UBE3C: variants seen among roughly 807,000 people sequenced by gnomAD.
The protein encoded by UBE3C is ubiquitin-protein ligase E3C.
A neutral mutation model predicts 129.4 loss-of-function variants in UBE3C; 42 were observed. That is an observed-to-expected ratio of 0.32 (90% CI 0.25 to 0.42). The LOEUF is 0.42. Among genes scored for constraint, UBE3C ranks in the 10% least tolerant of loss-of-function variants. The probability of loss-of-function intolerance (pLI) is 1.00; values close to 1 mark genes in which losing one functional copy is unlikely to be tolerated. For synonymous variants in UBE3C, 510 were observed against 492.4 expected, an observed-to-expected ratio of 1.04 and a Z score of -0.47; for missense variants, 1,049 against 1,319.1, an observed-to-expected ratio of 0.80 and a Z score of 3.17.
At chr7:157,251,963 G>C (rs1796630268) in intron 19 of UBE3C, among the ~76,000 whole-genome samples, 1 of 152,008 alleles carries the variant, frequency 6.6e-6, no homozygotes, top group Non-Finnish European at 1.5e-5. Flanking sequence ...GTGAAACCCT[G>C]TCTCTACTAA....
intron 17 of UBE3C, among the ~76,000 whole-genome samples, chr7:157,229,556 AC>A (rs1466220199): frequency 1.3e-5 from 2 of 152,016 alleles, no homozygotes; most frequent in African/African-American, 4.8e-5. Flanking sequence ...CCCTCAGGTG[AC>A]CCACCTGCCT....
rs142313565 is a variant in UBE3C at position 157,205,545 on chromosome 7, G to A, written c.1419-1853G>A. Among the ~76,000 whole-genome samples the A allele has an allele frequency of 4.6e-3, 700 of 152,298 alleles. 1 individual carries two copies. The highest frequency in any genetic ancestry group is 0.01 in the Middle Eastern group (3 of 294). On this transcript the variant is annotated intron_variant, in intron 11 of 22. Coordinates refer to ENST00000348165, the MANE Select transcript of UBE3C (RefSeq NM_014671.3). ...AGGGCTGTTGAAAGAAGCCACCCCT[G>A]TCCAGTTAAGGCAGCCCTGTGCCTT...
chr7:157,233,912 T>G (rs903582877), intron 18 of UBE3C, among the ~76,000 whole-genome samples: 1 of 152,244 alleles, frequency 6.6e-6, no homozygotes, highest in Admixed American at 6.5e-5. Context: ...GGAATTGGTA[T>G]CTCATTGTGG....
At chr7:157,244,545 A>G (rs1796427112) in intron 18 of UBE3C, among the ~76,000 whole-genome samples, 1 of 152,162 alleles carries the variant, frequency 6.6e-6, no homozygotes, top group Non-Finnish European at 1.5e-5. Context: ...ATAAATGTTC[A>G]CTTTAGAGCT....
At chr7:157,228,236 TC>T (rs1795931709) in intron 17 of UBE3C, among the ~76,000 whole-genome samples, 1 of 152,200 alleles carries the variant, frequency 6.6e-6, no homozygotes, top group African/African-American at 2.4e-5. Flanking sequence ...TGATGGCTGT[TC>T]CTGCAGTTGG....
intron 10 of UBE3C, among the ~76,000 whole-genome samples, chr7:157,195,894 A>T (rs1224223162): frequency 6.6e-6 from 1 of 152,212 alleles, no homozygotes; most frequent in Non-Finnish European, 1.5e-5. Context: ...GCACTGTAGT[A>T]GGCAAGAAGA....
At chr7:157,177,932 T>TG (rs1393608169) in intron 5 of UBE3C, among the ~76,000 whole-genome samples, 1 of 150,622 alleles carries the variant, frequency 6.6e-6, no homozygotes, top group East Asian at 1.9e-4. Context: ...GGATTCTGTT[T>TG]TTTTTTTTTT....
intron 19 of UBE3C, among the ~76,000 whole-genome samples, chr7:157,251,463 A>G (rs555604064): frequency 3.9e-5 from 6 of 152,344 alleles, no homozygotes; most frequent in East Asian, 3.9e-4. Context: ...GAGTCACGAC[A>G]CCTTGGTTCA....
Position 157,150,208 on chromosome 7 carries a change from T to C in UBE3C, c.66+10870T>C, listed in dbSNP as rs188898009. 3.3e-5 allele frequency among the ~76,000 whole-genome samples: 5 copies of C among 152,204 alleles called. No individual in the cohort carries two copies. In the East Asian group the frequency reaches 9.6e-4, roughly 29 times the overall value. ...GCCTGGCCAACGTGGTGAAACCCCA[T>C]CTCTACTAAAAATACAAAAAATTAG... On this transcript the variant is annotated intron_variant, in intron 1 of 22. Transcript: ENST00000348165.
At position 157,256,900 on chromosome 7, in the gene UBE3C, T is replaced by C; in HGVS notation, c.2951-14T>C. On this transcript the variant is annotated splice_polypyrimidine_tract_variant and intron_variant, in intron 21 of 22. Transcript: ENST00000348165. ...GCTTTGCATTTCATAAAGCATGTGT[T>C]CATTTTGCCATAGGAGGCTATTCTG... 1 of 1,613,912 alleles carries C rather than the reference T, an allele frequency of 6.2e-7. No individual in the cohort carries two copies. The highest frequency in any genetic ancestry group is 8.5e-7 in the Non-Finnish European group (1 of 1,179,848).
chr7:157,243,075 A>G (rs144580323), intron 18 of UBE3C, among the ~76,000 whole-genome samples: 1,550 of 151,980 alleles, frequency 0.01, 25 homozygotes, highest in African/African-American at 0.035. Flanking sequence ...GGAAGCGTCA[A>G]CTCCAAGCTG....
At chr7:157,211,167 G>GGGGAGAGAGAGAGAGAGAGAGAGA (rs1491521524) in intron 13 of UBE3C, among the ~76,000 whole-genome samples, 1 of 137,082 alleles carries the variant, frequency 7.3e-6, no homozygotes, top group Non-Finnish European at 1.5e-5. Context: ...CCATATGTCT[G>GGGGAGAGAGAGAGAGAGAGAGAGA]GAGAGAGAGA....
chr7:157,249,596 A>C lies in UBE3C; in HGVS notation c.2694+1016A>C, dbSNP rs568953785. Among the ~76,000 whole-genome samples, 27 of 152,304 alleles carry C rather than the reference A, an allele frequency of 1.8e-4. 1 individual carries two copies. The South Asian group carries it at 5.6e-3, about 32-fold the overall frequency. The stretch of plus-strand genomic sequence containing the variant: ...CTGAAGTGCTGGGATTACAGGCGTG[A>C]GCCACCGTGGCCGGCACGACAGAGC... On this transcript the variant is annotated intron_variant, in intron 19 of 22. Transcript: ENST00000348165.
intron 1 of UBE3C, among the ~76,000 whole-genome samples, chr7:157,146,390 C>T (rs1307233125): frequency 2.1e-5 from 3 of 146,094 alleles, no homozygotes; most frequent in African/African-American, 8.0e-5. Context: ...CACCACCACA[C>T]CTGGCTACTC....
At chr7:157,230,620 G>A (rs772118008) in intron 17 of UBE3C, among the ~76,000 whole-genome samples, 14 of 151,616 alleles carry the variant, frequency 9.2e-5, no homozygotes, top group Non-Finnish European at 1.9e-4. Flanking sequence ...ACTTGAACCC[G>A]GGAGGCGGAG....
intron 19 of UBE3C, among the ~76,000 whole-genome samples, chr7:157,253,314 A>G (rs986926030): frequency 1.3e-5 from 2 of 152,300 alleles, no homozygotes; most frequent in East Asian, 3.9e-4. Flanking sequence ...TTTTCTCATG[A>G]GCACTCTTGT....
At chr7:157,177,067 G>A (rs185651102) in intron 5 of UBE3C, among the ~76,000 whole-genome samples, 1 of 152,172 alleles carries the variant, frequency 6.6e-6, no homozygotes, top group Admixed American at 6.5e-5. Context: ...GAATCACTGG[G>A]TCACATAGTA....
chr7:157,236,834 C>T (rs1440838042), intron 18 of UBE3C, among the ~76,000 whole-genome samples: 5 of 151,832 alleles, frequency 3.3e-5, no homozygotes, highest in Admixed American at 2.6e-4. Context: ...CGGGTTCAAG[C>T]GATTCTCCTG....
intron 10 of UBE3C, 114 bp from the exon 11 acceptor site, chr7:157,201,607 C>A: frequency 1.4e-6 from 1 of 714,136 alleles, no homozygotes; most frequent in Non-Finnish European, 2.1e-6. Context: ...CAGAGATTTG[C>A]TAAATTGTAC....
Sources: allele counts gnomAD v4.1 joint callset (sites outside exome capture counted in the v4.1 genomes callset), GRCh38; gene constraint gnomAD v4.1.1; transcripts MANE v1.5; gene names NCBI Gene and HGNC (gene_info 2026-07-23, HGNC 2026-07-21).